PPP2R2B: variants seen among roughly 807,000 people sequenced by gnomAD.
PPP2R2B encodes the protein serine/threonine-protein phosphatase 2A 55 kDa regulatory subunit B beta isoform.
A neutral mutation model predicts 46.0 loss-of-function variants in PPP2R2B; 5 were observed. The ratio of observed to expected loss-of-function variants is 0.11; its 90% CI spans 0.06 to 0.23. PPP2R2B has a LOEUF of 0.23. Ranked by LOEUF, PPP2R2B falls within the 10% of genes least tolerant of loss-of-function variation. The probability of loss-of-function intolerance (pLI) is 1.00; values close to 1 mark genes in which losing one functional copy is unlikely to be tolerated. For missense variants in PPP2R2B, 367 were observed against 575.0 expected (o/e 0.64, Z 3.70); for synonymous variants, 215 against 206.7 (o/e 1.04, Z -0.34).
At chr5:146,709,020 G>A (rs1462175272) in intron 2 of PPP2R2B, among the ~76,000 whole-genome samples, 2 of 152,200 alleles carry the variant, frequency 1.3e-5, no homozygotes, top group Non-Finnish European at 2.9e-5. Context: ...CATGCCACAT[G>A]CTTGCTATCC....
chr5:146,764,308 A>G (rs1339808783), intron 2 of PPP2R2B, among the ~76,000 whole-genome samples: 3 of 152,168 alleles, frequency 2.0e-5, no homozygotes, highest in African/African-American at 7.2e-5. Context: ...GAGCCACTGA[A>G]GATTTTTAAG....
intron 2 of PPP2R2B, among the ~76,000 whole-genome samples, chr5:146,852,614 A>G (rs1459599537): frequency 6.6e-6 from 1 of 152,128 alleles, no homozygotes; most frequent in Non-Finnish European, 1.5e-5. Flanking sequence ...TTGCCTTTGT[A>G]GTGGAGACAT....
chr5:146,694,402 T>A (rs1779054501), intron 4 of PPP2R2B, among the ~76,000 whole-genome samples: 1 of 152,190 alleles, frequency 6.6e-6, no homozygotes, highest in Non-Finnish European at 1.5e-5. Flanking sequence ...CCCCAAAATT[T>A]TAATACCAAA....
intron 2 of PPP2R2B, among the ~76,000 whole-genome samples, chr5:146,725,995 A>G (rs1751839558): frequency 6.6e-6 from 1 of 152,226 alleles, no homozygotes; most frequent in African/African-American, 2.4e-5. Context: ...GGTGTGCTGG[A>G]TAGAGATGGA....
At chr5:147,077,275 T>TACACACACAC (rs370176510) in intron 2 of PPP2R2B, among the ~76,000 whole-genome samples, 2 of 140,496 alleles carry the variant, frequency 1.4e-5, no homozygotes, top group African/African-American at 5.3e-5. Context: ...TATGTGTGTA[T>TACACACACAC]ACACACACAC....
intron 1 of PPP2R2B, among the ~76,000 whole-genome samples, chr5:146,940,226 G>A (rs1036708341): frequency 1.3e-5 from 2 of 152,228 alleles, no homozygotes; most frequent in East Asian, 3.9e-4. Flanking sequence ...TGTCTTAATA[G>A]AGCTACAAGT....
chr5:146,842,315 T>C (rs1025003633), intron 2 of PPP2R2B, among the ~76,000 whole-genome samples: 1 of 152,050 alleles, frequency 6.6e-6, no homozygotes, highest in African/African-American at 2.4e-5. Context: ...AGAGCTTTAA[T>C]CAAATTCCTT....
intron 1 of PPP2R2B, among the ~76,000 whole-genome samples, chr5:147,050,224 T>A (rs896175690): frequency 5.9e-5 from 9 of 152,212 alleles, no homozygotes; most frequent in African/African-American, 2.2e-4. Context: ...TCTTCCTTAA[T>A]TCTCACAATA....
chr5:146,985,982 C>T (rs1246737153), intron 1 of PPP2R2B, among the ~76,000 whole-genome samples: 1 of 151,976 alleles, frequency 6.6e-6, no homozygotes, highest in African/African-American at 2.4e-5. Context: ...ATAATAGAAC[C>T]CTCTGACAAG....
intron 1 of PPP2R2B, among the ~76,000 whole-genome samples, chr5:146,958,488 G>A (rs914800540): frequency 4.6e-5 from 7 of 151,956 alleles, no homozygotes; most frequent in Non-Finnish European, 7.4e-5. Flanking sequence ...CTTTATTACC[G>A]TCACTACCAA....
chr5:146,714,104 GAA>G (rs942470657), intron 2 of PPP2R2B, among the ~76,000 whole-genome samples: 1 of 151,778 alleles, frequency 6.6e-6, no homozygotes, highest in Non-Finnish European at 1.5e-5. Context: ...AAAATCCAGG[GAA>G]AAAAACAAAG....
At chr5:146,996,032 G>A (rs555407296) in intron 1 of PPP2R2B, among the ~76,000 whole-genome samples, 1 of 152,266 alleles carries the variant, frequency 6.6e-6, no homozygotes, top group Admixed American at 6.5e-5. Context: ...TGAGTGGTTG[G>A]GCAGGAATAA....
chr5:146,741,564 C>T (rs564360292), intron 2 of PPP2R2B, among the ~76,000 whole-genome samples: 7 of 152,174 alleles, frequency 4.6e-5, no homozygotes, highest in African/African-American at 9.6e-5. Flanking sequence ...AAATGGGAAT[C>T]CATAGCTAGG....
chr5:146,938,699 T>C (rs1028828952), intron 1 of PPP2R2B, among the ~76,000 whole-genome samples: 1 of 151,670 alleles, frequency 6.6e-6, no homozygotes, highest in African/African-American at 2.4e-5. Context: ...TGGTTGATCA[T>C]TTTTATGTTC....
chr5:147,028,787 G>T (rs543711317), intron 1 of PPP2R2B, among the ~76,000 whole-genome samples: 2 of 152,130 alleles, frequency 1.3e-5, no homozygotes, highest in African/African-American at 4.8e-5. Context: ...ATTTATACTC[G>T]CACTGGTAGC....
In PPP2R2B at chr5:146,911,986, C is replaced by T. The variant is rs138498307; in HGVS notation, c.79+143679G>A. 6.7e-3 allele frequency among the ~76,000 whole-genome samples: 1,021 copies of T among 152,204 alleles called. 31 individuals are homozygous for T. The highest frequency in any genetic ancestry group is 0.048 in the Admixed American group (736 of 15,296). ...GGTGCAGTGGCCCACGCCTGTAATC[C>T]CAGCACTTTGGGAGGCTGAGGCGGG... is the stretch of plus-strand genomic sequence containing the variant. On this transcript the variant is annotated intron_variant, in intron 1 of 8. Transcript: ENST00000336640.
intron 1 of PPP2R2B, among the ~76,000 whole-genome samples, chr5:146,912,877 T>G (rs1170529274): frequency 6.6e-6 from 1 of 152,184 alleles, no homozygotes; most frequent in South Asian, 2.1e-4. Context: ...GTCTCTTCAA[T>G]GTGTCAAGTA....
chr5:146,931,097 T>C (rs1763953958), intron 1 of PPP2R2B, among the ~76,000 whole-genome samples: 1 of 152,262 alleles, frequency 6.6e-6, no homozygotes, highest in East Asian at 1.9e-4. Flanking sequence ...TATAGTTCTA[T>C]ACTCTATACT....
chr5:146,598,292 T>C (rs367644964), intron 8 of PPP2R2B, among the ~76,000 whole-genome samples: 1 of 152,190 alleles, frequency 6.6e-6, no homozygotes, highest in Non-Finnish European at 1.5e-5. Context: ...CTTAAGACAG[T>C]TTCTCTATTT....
Sources: allele counts gnomAD v4.1 joint callset (sites outside exome capture counted in the v4.1 genomes callset), GRCh38; gene constraint gnomAD v4.1.1; transcripts MANE v1.5; gene names NCBI Gene and HGNC (gene_info 2026-07-23, HGNC 2026-07-21).